REC114: variants seen among roughly 807,000 people sequenced by gnomAD.
REC114 encodes the protein meiotic recombination protein REC114.
In REC114, 27 loss-of-function variants were observed where a neutral mutation model predicts 31.3. The observed-to-expected ratio is 0.86, with a 90% CI of 0.64 to 1.19. The LOEUF (loss-of-function observed/expected upper bound fraction) is 1.19. Ranked by LOEUF, REC114 falls within the 50% of genes most tolerant of loss-of-function variation. The pLI is 0.00. For synonymous variants in REC114, 134 were observed against 127.7 expected, an observed-to-expected ratio of 1.05 and a Z score of -0.33; for missense variants, 344 against 326.9, an observed-to-expected ratio of 1.05 and a Z score of -0.40.
intron 2 of REC114, among the ~76,000 whole-genome samples, chr15:73,482,314 C>G (rs1396108206): frequency 6.6e-6 from 1 of 152,162 alleles, no homozygotes; most frequent in African/African-American, 2.4e-5. Flanking sequence ...TGAGTTCTTG[C>G]TCTGAGTTCA....
intron 2 of REC114, among the ~76,000 whole-genome samples, chr15:73,487,197 C>A (rs1413504763): frequency 6.6e-6 from 1 of 152,148 alleles, no homozygotes; most frequent in Non-Finnish European, 1.5e-5. Context: ...ACCATCAATT[C>A]CACCCCTGTT....
chr15:73,558,227 CAG>C (rs955604653), intron 5 of REC114, among the ~76,000 whole-genome samples: 3 of 152,164 alleles, frequency 2.0e-5, no homozygotes, highest in African/African-American at 7.2e-5. Context: ...GTTTCTGTTA[CAG>C]AGAGTTCCTG....
intron 1 of REC114, among the ~76,000 whole-genome samples, chr15:73,464,365 C>T (rs1292314644): frequency 6.6e-6 from 1 of 151,670 alleles, no homozygotes; most frequent in African/African-American, 2.4e-5. Flanking sequence ...ATTATTATTA[C>T]AGTTATTATT....
At chr15:73,488,553 T>G (rs954456958) in intron 2 of REC114, among the ~76,000 whole-genome samples, 4 of 152,218 alleles carry the variant, frequency 2.6e-5, no homozygotes, top group Non-Finnish European at 5.9e-5. Context: ...TGCCTTTAAA[T>G]TCTGCCTTCC....
intron 1 of REC114, among the ~76,000 whole-genome samples, chr15:73,450,477 T>G (rs909664432): frequency 2.0e-5 from 3 of 152,188 alleles, no homozygotes; most frequent in African/African-American, 7.2e-5. Context: ...GCACCCAGAT[T>G]CATAAAGCAA....
chr15:73,481,429 T>A (rs1017848965), intron 2 of REC114, among the ~76,000 whole-genome samples: 2 of 152,052 alleles, frequency 1.3e-5, no homozygotes, highest in Non-Finnish European at 2.9e-5. Context: ...GACATACCAC[T>A]AGACTGTTCT....
At chr15:73,547,429 C>A (rs1397044186) in intron 3 of REC114, among the ~76,000 whole-genome samples, 1 of 152,096 alleles carries the variant, frequency 6.6e-6, no homozygotes, top group Non-Finnish European at 1.5e-5. Context: ...AAAGGGGACC[C>A]TGTTAAATGG....
At chr15:73,493,786 ATACTGTAGT>A (rs1484325325) in intron 2 of REC114, among the ~76,000 whole-genome samples, 1 of 152,244 alleles carries the variant, frequency 6.6e-6, no homozygotes, top group Non-Finnish European at 1.5e-5. Context: ...TGCCAGTTGA[ATACTGTAGT>A]TATTCATCCA....
intron 2 of REC114, among the ~76,000 whole-genome samples, chr15:73,528,723 T>C (rs1157845623): frequency 6.6e-6 from 1 of 152,248 alleles, no homozygotes; most frequent in Non-Finnish European, 1.5e-5. Context: ...TATTTGTTTA[T>C]GTATTGTTTG....
intron 2 of REC114, among the ~76,000 whole-genome samples, chr15:73,520,586 T>C (rs79002006): frequency 0.11 from 17,163 of 151,906 alleles, 1,261 homozygotes; most frequent in African/African-American, 0.21. Flanking sequence ...TTTTCAGGGG[T>C]TGAATTTGTT....
intron 2 of REC114, among the ~76,000 whole-genome samples, chr15:73,528,374 A>C (rs1392422909): frequency 6.6e-6 from 1 of 152,236 alleles, no homozygotes; most frequent in African/African-American, 2.4e-5. Flanking sequence ...TATGGAATCG[A>C]ATACCTGTCA....
chr15:73,456,749 A>C (rs1892920745), intron 1 of REC114, among the ~76,000 whole-genome samples: 1 of 152,306 alleles, frequency 6.6e-6, no homozygotes, highest in South Asian at 2.1e-4. Context: ...AGGAACACAA[A>C]GATAAGTTGA....
At chr15:73,458,618 G>C (rs547291571) in intron 1 of REC114, among the ~76,000 whole-genome samples, 15 of 152,226 alleles carry the variant, frequency 9.9e-5, no homozygotes, top group East Asian at 5.8e-4. Flanking sequence ...AGGTACTGAG[G>C]CTCCTTCTTT....
At chr15:73,485,545 A>G (rs114396847) in intron 2 of REC114, among the ~76,000 whole-genome samples, 1,565 of 151,914 alleles carry the variant, frequency 0.01, 25 homozygotes, top group African/African-American at 0.036. Flanking sequence ...CTTAGTACTA[A>G]CCTCTTGGTA....
intron 2 of REC114, among the ~76,000 whole-genome samples, chr15:73,537,809 C>G (rs1298124589): frequency 3.3e-5 from 5 of 152,114 alleles, no homozygotes; most frequent in Non-Finnish European, 7.3e-5. Flanking sequence ...GCTTTTATTC[C>G]CACCCCTGCC....
chr15:73,493,018 A>G (rs1044059651), intron 2 of REC114, among the ~76,000 whole-genome samples: 2 of 145,728 alleles, frequency 1.4e-5, no homozygotes, highest in Non-Finnish European at 3.0e-5. Context: ...TTTTATTTTT[A>G]TTTATTTATT....
intron 2 of REC114, among the ~76,000 whole-genome samples, chr15:73,509,918 G>A (rs897462121): frequency 4.8e-4 from 72 of 151,466 alleles, no homozygotes; most frequent in African/African-American, 1.3e-3. Flanking sequence ...TTGACTTGGC[G>A]ATGCAGGCTC....
intron 2 of REC114, among the ~76,000 whole-genome samples, chr15:73,529,649 T>TA (rs1894050583): frequency 1.3e-5 from 2 of 152,172 alleles, no homozygotes; most frequent in Non-Finnish European, 2.9e-5. Context: ...TTTGAAAACT[T>TA]AGAGTTTAAA....
chr15:73,515,857 A>G (rs1015552908), intron 2 of REC114, among the ~76,000 whole-genome samples: 1 of 152,224 alleles, frequency 6.6e-6, no homozygotes. Context: ...GGCAGCTTCA[A>G]CTGACTAAGA....
Sources: gnomAD v4.1 joint callset for allele counts (sites outside exome capture counted in the v4.1 genomes callset) on GRCh38, gnomAD v4.1.1 for gene constraint, MANE v1.5 for transcripts, NCBI Gene and HGNC (gene_info 2026-07-23, HGNC 2026-07-21) for gene names.